The following RIT2 variants were observed in gnomAD, a reference collection of about 807,000 sequenced individuals.
RIT2 encodes the protein GTP-binding protein Rit2.
A neutral mutation model predicts 23.7 loss-of-function variants in RIT2; 24 were observed. The ratio of observed to expected loss-of-function variants is 1.01; its 90% CI spans 0.73 to 1.43. RIT2 has a LOEUF of 1.43. Ranked by LOEUF, RIT2 falls within the 40% of genes most tolerant of loss-of-function variation. RIT2 has a pLI of 0.00. For synonymous variants in RIT2, 107 were observed against 91.1 expected, an observed-to-expected ratio of 1.17 and a Z score of -0.99; for missense variants, 236 against 266.9, an observed-to-expected ratio of 0.88 and a Z score of 0.81.
At chr18:42,756,650 T>C (rs1913170187) in intron 4 of RIT2, among the ~76,000 whole-genome samples, 1 of 152,148 alleles carries the variant, frequency 6.6e-6, no homozygotes, top group African/African-American at 2.4e-5. Context: ...TGCAGGACCT[T>C]GAACGTGTAA....
chr18:42,974,686 T>G (rs1460012207), intron 2 of RIT2, among the ~76,000 whole-genome samples: 1 of 152,050 alleles, frequency 6.6e-6, no homozygotes, highest in Non-Finnish European at 1.5e-5. Context: ...ATTACATACA[T>G]GCAAACCCTA....
intron 4 of RIT2, among the ~76,000 whole-genome samples, chr18:42,827,923 C>A (rs377704007): frequency 7.6e-5 from 11 of 143,850 alleles, no homozygotes; most frequent in Non-Finnish European, 1.6e-4. Context: ...GAGAATGGTG[C>A]GAACCCGGGA....
intron 1 of RIT2, among the ~76,000 whole-genome samples, chr18:43,062,961 T>G (rs2144325128): frequency 6.6e-6 from 1 of 152,272 alleles, no homozygotes; most frequent in Non-Finnish European, 1.5e-5. Flanking sequence ...TTTTGGGTTT[T>G]TTTTGAAAAG....
chr18:42,806,838 A>G (rs79110322), intron 4 of RIT2, among the ~76,000 whole-genome samples: 2,647 of 152,310 alleles, frequency 0.017, 78 homozygotes, highest in Admixed American at 0.065. Flanking sequence ...AAAATTTGTA[A>G]TATTTCTCTA....
chr18:43,105,509 G>GAAGAGAGCAAGGGAGGAAGA (rs1221620676), intron 1 of RIT2, among the ~76,000 whole-genome samples: 1 of 150,716 alleles, frequency 6.6e-6, no homozygotes, highest in African/African-American at 2.4e-5. Context: ...AGGGAGGGAG[G>GAAGAGAGCAAGGGAGGAAGA]GAGGGAGGGA....
chr18:43,079,160 T>G (rs1913096179), intron 1 of RIT2, among the ~76,000 whole-genome samples: 2 of 152,228 alleles, frequency 1.3e-5, no homozygotes, highest in Admixed American at 1.3e-4. Flanking sequence ...ACAAATCATC[T>G]AATTCAATTT....
chr18:43,032,439 T>C (rs1911878430), intron 2 of RIT2, among the ~76,000 whole-genome samples: 1 of 152,070 alleles, frequency 6.6e-6, no homozygotes, highest in African/African-American at 2.4e-5. Flanking sequence ...TTATATATTA[T>C]ATTATTGAAT....
At chr18:42,990,044 T>C (rs1013532658) in intron 2 of RIT2, among the ~76,000 whole-genome samples, 1 of 151,068 alleles carries the variant, frequency 6.6e-6, no homozygotes, top group Non-Finnish European at 1.5e-5. Flanking sequence ...TGTGTGTGTA[T>C]GAATTTATTG....
chr18:42,829,013 G>A (rs947583141), intron 4 of RIT2, among the ~76,000 whole-genome samples: 4 of 152,104 alleles, frequency 2.6e-5, no homozygotes, highest in Admixed American at 6.5e-5. Flanking sequence ...GTGTTGCCTC[G>A]GTGACCTCTC....
intron 2 of RIT2, among the ~76,000 whole-genome samples, chr18:43,016,235 A>T (rs1911471156): frequency 6.6e-6 from 1 of 151,858 alleles, no homozygotes; most frequent in Non-Finnish European, 1.5e-5. Context: ...CACATGACTG[A>T]CAAAAATAGA....
At chr18:42,841,156 A>G (rs1906757571) in intron 4 of RIT2, among the ~76,000 whole-genome samples, 2 of 152,234 alleles carry the variant, frequency 1.3e-5, no homozygotes. Flanking sequence ...TGTTTCATTA[A>G]ATGCTTTTAT....
intron 1 of RIT2, among the ~76,000 whole-genome samples, chr18:43,068,543 C>T (rs1912822717): frequency 1.3e-5 from 2 of 152,090 alleles, no homozygotes; most frequent in Admixed American, 6.6e-5. Flanking sequence ...AACCAGGAGG[C>T]ATAGTGTCAT....
At chr18:42,917,121 A>G (rs920517375) in intron 4 of RIT2, among the ~76,000 whole-genome samples, 4 of 152,112 alleles carry the variant, frequency 2.6e-5, no homozygotes, top group Admixed American at 6.6e-5. Flanking sequence ...GAAGCTATCT[A>G]TGAATTATAT....
intron 1 of RIT2, among the ~76,000 whole-genome samples, chr18:43,050,830 A>T (rs540543771): frequency 6.6e-6 from 1 of 152,138 alleles, no homozygotes; most frequent in African/African-American, 2.4e-5. Flanking sequence ...CCTGGAGGAC[A>T]GCACACCGAG....
intron 4 of RIT2, among the ~76,000 whole-genome samples, chr18:42,747,481 C>G (rs1303297847): frequency 6.6e-6 from 1 of 151,762 alleles, no homozygotes; most frequent in Admixed American, 6.6e-5. Context: ...CTGCCAAAAG[C>G]AATCTATAAA....
chr18:43,078,751 G>A (rs941682473), intron 1 of RIT2, among the ~76,000 whole-genome samples: 10 of 152,300 alleles, frequency 6.6e-5, no homozygotes, highest in Admixed American at 5.2e-4. Flanking sequence ...GGACCCAGGA[G>A]AGTTAAAGGC....
At chr18:42,877,906 C>T (rs113899697) in intron 4 of RIT2, among the ~76,000 whole-genome samples, 3,893 of 151,896 alleles carry the variant, frequency 0.026, 162 homozygotes, top group African/African-American at 0.087. Flanking sequence ...AAATCTATGT[C>T]TCTTGAGTTG....
intron 4 of RIT2, among the ~76,000 whole-genome samples, chr18:42,808,753 AATC>A (rs1314155063): frequency 2.0e-5 from 3 of 152,148 alleles, no homozygotes; most frequent in Non-Finnish European, 4.4e-5. Context: ...TGTTCATGTA[AATC>A]ATCAACTGTG....
intron 3 of RIT2, among the ~76,000 whole-genome samples, chr18:42,931,838 A>G (rs1339037585): frequency 6.6e-6 from 1 of 152,186 alleles, no homozygotes; most frequent in Non-Finnish European, 1.5e-5. Context: ...GAGTGAAATA[A>G]GAAAATCCAC....
Sources: gnomAD v4.1 joint callset for allele counts (sites outside exome capture counted in the v4.1 genomes callset) on GRCh38, gnomAD v4.1.1 for gene constraint, MANE v1.5 for transcripts, NCBI Gene and HGNC (gene_info 2026-07-23, HGNC 2026-07-21) for gene names.